Variants in GPC6 observed in about 807,000 individuals in gnomAD.
GPC6 encodes the protein glypican-6.
GPC6 carries 14 observed loss-of-function variants against 55.2 expected under a neutral mutation model. That is an observed-to-expected ratio of 0.25 (90% CI 0.17 to 0.40). GPC6 has a LOEUF of 0.40. GPC6 is among the 10% of genes least tolerant of loss of function. The pLI is 1.00. For missense variants in GPC6, 641 were observed against 708.5 expected, an observed-to-expected ratio of 0.90 and a Z score of 1.08; for synonymous variants, 278 against 259.6, an observed-to-expected ratio of 1.07 and a Z score of -0.68.
rs189612640 is a variant in GPC6, at chr13:94,365,125, A to G, written c.1153-17289A>G. 2.3e-3 allele frequency among the ~76,000 whole-genome samples: 353 copies of G among 152,326 alleles called. 1 individual carries two copies. The highest frequency in any genetic ancestry group is 3.8e-3 in the Non-Finnish European group (257 of 68,030). The stretch of plus-strand genomic sequence containing the variant: ...TCACCTGCAGCTGGGAGGGAGGCCC[A>G]CAACCATGATGAATAGGCAAATCTT... On this transcript the variant is annotated intron_variant, in intron 6 of 8. Transcript: ENST00000377047.
At chr13:94,153,784 C>A (rs1887828967) in intron 4 of GPC6, among the ~76,000 whole-genome samples, 1 of 152,168 alleles carries the variant, frequency 6.6e-6, no homozygotes, top group East Asian at 1.9e-4. Flanking sequence ...CAACTGGCCC[C>A]ATCCCAGAAT....
At chr13:93,554,897 G>T (rs1056178177) in intron 2 of GPC6, among the ~76,000 whole-genome samples, 1 of 152,016 alleles carries the variant, frequency 6.6e-6, no homozygotes, top group Non-Finnish European at 1.5e-5. Context: ...CTTGCAAAAG[G>T]TTTGCTATAT....
chr13:93,337,189 T>C (rs1175457482), intron 1 of GPC6, among the ~76,000 whole-genome samples: 1 of 152,212 alleles, frequency 6.6e-6, no homozygotes, highest in Non-Finnish European at 1.5e-5. Flanking sequence ...AAAATAGATA[T>C]ACCTACTTGC....
chr13:93,628,441 A>C (rs925267185), intron 2 of GPC6, among the ~76,000 whole-genome samples: 1 of 152,208 alleles, frequency 6.6e-6, no homozygotes, highest in Non-Finnish European at 1.5e-5. Context: ...GTCTGCCAAC[A>C]TGCACCCTTT....
chr13:93,877,015 G>A (rs147754855), intron 3 of GPC6, among the ~76,000 whole-genome samples: 13 of 152,128 alleles, frequency 8.5e-5, no homozygotes, highest in African/African-American at 3.1e-4. Flanking sequence ...TAAGGTGAAG[G>A]TAACATCATC....
At chr13:93,356,652 C>T (rs1346270418) in intron 1 of GPC6, among the ~76,000 whole-genome samples, 3 of 152,158 alleles carry the variant, frequency 2.0e-5, no homozygotes, top group African/African-American at 7.2e-5. Context: ...CTTGTTAGCT[C>T]CAGGCAAACA....
At chr13:94,336,049 T>C (rs1877680717) in intron 6 of GPC6, among the ~76,000 whole-genome samples, 1 of 152,090 alleles carries the variant, frequency 6.6e-6, no homozygotes, top group African/African-American at 2.4e-5. Context: ...TGGAGAGTCA[T>C]TTTTGTGAGT....
At chr13:94,236,558 A>G (rs1190369071) in intron 4 of GPC6, among the ~76,000 whole-genome samples, 1 of 152,202 alleles carries the variant, frequency 6.6e-6, no homozygotes, top group Non-Finnish European at 1.5e-5. Context: ...TCTGTATTCT[A>G]AAAGAAATGC....
intron 3 of GPC6, among the ~76,000 whole-genome samples, chr13:94,019,549 T>G (rs1003830871): frequency 6.6e-6 from 1 of 152,116 alleles, no homozygotes; most frequent in Non-Finnish European, 1.5e-5. Context: ...TCCTTGTTAT[T>G]TCTTGCTTAT....
At chr13:93,999,942 G>T (rs1299961199) in intron 3 of GPC6, among the ~76,000 whole-genome samples, 2 of 152,130 alleles carry the variant, frequency 1.3e-5, no homozygotes, top group Admixed American at 1.3e-4. Context: ...TCATCAATTT[G>T]ATTTTTTCCT....
At chr13:93,245,312 T>G (rs1876562244) in intron 1 of GPC6, among the ~76,000 whole-genome samples, 1 of 152,208 alleles carries the variant, frequency 6.6e-6, no homozygotes, top group Non-Finnish European at 1.5e-5. Context: ...TTTAATTGAT[T>G]TGGGAAAGGG....
chr13:94,083,106 G>A (rs1431703002), intron 4 of GPC6, among the ~76,000 whole-genome samples: 1 of 152,020 alleles, frequency 6.6e-6, no homozygotes, highest in Admixed American at 6.6e-5. Flanking sequence ...TCCTGCTCAA[G>A]GTTTTTTTGT....
At chr13:94,108,866 G>T (rs890721044) in intron 4 of GPC6, among the ~76,000 whole-genome samples, 1 of 149,360 alleles carries the variant, frequency 6.7e-6, no homozygotes, top group Non-Finnish European at 1.5e-5. Context: ...AAAAAAAAAA[G>T]TTTTTTTAAT....
At chr13:94,099,774 A>G (rs1334742092) in intron 4 of GPC6, among the ~76,000 whole-genome samples, 2 of 152,160 alleles carry the variant, frequency 1.3e-5, no homozygotes, top group East Asian at 3.8e-4. Context: ...TGGTTGATGT[A>G]AATTATCAGG....
At chr13:93,976,090 C>A (rs942937477) in intron 3 of GPC6, among the ~76,000 whole-genome samples, 1 of 152,228 alleles carries the variant, frequency 6.6e-6, no homozygotes, top group African/African-American at 2.4e-5. Flanking sequence ...TTCCAGCACT[C>A]CTCCATTGAG....
At chr13:93,411,873 C>T (rs1876507318) in intron 1 of GPC6, among the ~76,000 whole-genome samples, 1 of 151,736 alleles carries the variant, frequency 6.6e-6, no homozygotes, top group Admixed American at 6.6e-5. Context: ...CTTGGTGGTG[C>T]ACACCTGTAG....
chr13:93,299,991 C>G (rs1015160022), intron 1 of GPC6, among the ~76,000 whole-genome samples: 1 of 152,148 alleles, frequency 6.6e-6, no homozygotes, highest in Non-Finnish European at 1.5e-5. Context: ...ATGTCAACAG[C>G]TACAACAAGC....
upstream of GPC6, among the ~76,000 whole-genome samples, chr13:93,224,023 C>T (rs948286264): frequency 9.3e-5 from 14 of 151,110 alleles, no homozygotes; most frequent in African/African-American, 2.7e-4. Flanking sequence ...CCTCAGCCTC[C>T]TGAGTAGCTG....
intron 1 of GPC6, among the ~76,000 whole-genome samples, chr13:93,455,300 G>A (rs919657564): frequency 6.6e-6 from 1 of 152,192 alleles, no homozygotes; most frequent in Non-Finnish European, 1.5e-5. Flanking sequence ...CAGAGGAGGC[G>A]CCCAGAGCGA....
Sources: gnomAD v4.1 joint callset for allele counts (sites outside exome capture counted in the v4.1 genomes callset) on GRCh38, gnomAD v4.1.1 for gene constraint, MANE v1.5 for transcripts, NCBI Gene and HGNC (gene_info 2026-07-23, HGNC 2026-07-21) for gene names.